The following DEFB134 variants were observed in gnomAD, a reference collection of about 807,000 sequenced individuals.
DEFB134 encodes defensin beta 134, also known as beta-defensin 134.
A neutral mutation model predicts 7.4 loss-of-function variants in DEFB134; 7 were observed. The observed-to-expected ratio is 0.95, with a 90% confidence interval of 0.54 to 1.79. The LOEUF (loss-of-function observed/expected upper bound fraction) is 1.79, where lower values mean the gene tolerates loss of function less well. DEFB134 is among the 40% of genes most tolerant of loss of function. The pLI is 0.00. For synonymous variants in DEFB134, 33 were observed against 25.0 expected, an observed-to-expected ratio of 1.32 and a Z score of -0.96; for missense variants, 105 against 74.8, an observed-to-expected ratio of 1.40 and a Z score of -1.49.
chr8:11,994,384 G>A (rs1223858101), intron 1 of DEFB134, among the ~76,000 whole-genome samples: 3 of 152,146 alleles, frequency 2.0e-5, no homozygotes, highest in African/African-American at 4.8e-5. Flanking sequence ...TCATGATGGT[G>A]GAACCCTAAT....
At chr8:12,000,735 C>G (rs1228839068), upstream of DEFB134, among the ~76,000 whole-genome samples, 5 of 152,100 alleles carry the variant, frequency 3.3e-5, no homozygotes, top group African/African-American at 1.2e-4. Flanking sequence ...TCTTCTTGTG[C>G]TGATGTAAGA....
intron 1 of DEFB134, 73 bp downstream of exon 2, chr8:11,996,121 G>C (rs1007166975): frequency 1.3e-6 from 2 of 1,566,886 alleles, no homozygotes; most frequent in Non-Finnish European, 8.8e-7. Context: ...GGTGGTGTAT[G>C]TTTATTGGGT....
chr8:11,994,828 T>G (rs1259223367), intron 1 of DEFB134, among the ~76,000 whole-genome samples: 1 of 152,120 alleles, frequency 6.6e-6, no homozygotes, highest in Non-Finnish European at 1.5e-5. Context: ...GAATTTTCAT[T>G]CTAGACAAAA....
intron 1 of DEFB134, among the ~76,000 whole-genome samples, chr8:11,995,052 T>C (rs73542310): frequency 6.6e-6 from 1 of 152,084 alleles, no homozygotes; most frequent in African/African-American, 2.4e-5. Flanking sequence ...TTGTCCTACA[T>C]GAACAAGAAG....
chr8:11,997,218 T>G (rs1221046469), upstream of DEFB134, among the ~76,000 whole-genome samples: 3 of 152,248 alleles, frequency 2.0e-5, no homozygotes, highest in Non-Finnish European at 4.4e-5. Flanking sequence ...GCATAATTAT[T>G]TGAGATTCGT....
chr8:12,000,032 C>G (rs1319368955), upstream of DEFB134, among the ~76,000 whole-genome samples: 1 of 152,236 alleles, frequency 6.6e-6, no homozygotes, highest in Non-Finnish European at 1.5e-5. Context: ...TGTTCTGCAA[C>G]TGCCATACTC....
At chr8:11,993,812 C>A in exon 2 of DEFB134, 1 of 864,974 alleles carries the variant, frequency 1.2e-6, no homozygotes, top group Non-Finnish European at 1.7e-6. Flanking sequence ...GGCTACAGCT[C>A]AGCTCTTTAA....
chr8:11,995,030 C>T (rs1800080749), intron 1 of DEFB134, among the ~76,000 whole-genome samples: 1 of 152,038 alleles, frequency 6.6e-6, no homozygotes, highest in South Asian at 2.1e-4. Flanking sequence ...GTCATAATGC[C>T]CTGGAGGATA....
upstream of DEFB134, among the ~76,000 whole-genome samples, chr8:12,000,125 A>G (rs1358440151): frequency 6.6e-6 from 1 of 152,230 alleles, no homozygotes; most frequent in African/African-American, 2.4e-5. Flanking sequence ...ATCCTAATAA[A>G]CAGAAATGTA....
chr8:11,995,204 GA>G (rs1402688271), intron 1 of DEFB134, among the ~76,000 whole-genome samples: 2 of 152,210 alleles, frequency 1.3e-5, no homozygotes, highest in African/African-American at 4.8e-5. Flanking sequence ...AAAAGGAATT[GA>G]AGGGAATATT....
At chr8:11,999,622 A>C (rs201906287), upstream of DEFB134, among the ~76,000 whole-genome samples, 1 of 145,876 alleles carries the variant, frequency 6.9e-6, no homozygotes, top group Admixed American at 6.9e-5. Flanking sequence ...TCGTGATTTT[A>C]CTTAAATATC....
At chr8:11,995,534 A>G (rs1160802464) in intron 1 of DEFB134, among the ~76,000 whole-genome samples, 2 of 152,184 alleles carry the variant, frequency 1.3e-5, no homozygotes, top group Admixed American at 6.5e-5. Flanking sequence ...ACTCTCTGTC[A>G]TGTCTCCCTG....
upstream of DEFB134, among the ~76,000 whole-genome samples, chr8:11,999,651 A>G (rs1325514818): frequency 1.3e-5 from 2 of 152,174 alleles, no homozygotes; most frequent in Non-Finnish European, 2.9e-5. Context: ...ACAGCCTCTG[A>G]GTTTTGCTCT....
At chr8:11,995,244 G>A (rs2150559039) in intron 1 of DEFB134, among the ~76,000 whole-genome samples, 1 of 152,310 alleles carries the variant, frequency 6.6e-6, no homozygotes. Flanking sequence ...TTTGTCTGGA[G>A]GCCACAAATC....
At chr8:12,000,382 A>C (rs1190733388), upstream of DEFB134, among the ~76,000 whole-genome samples, 1 of 152,214 alleles carries the variant, frequency 6.6e-6, no homozygotes, top group South Asian at 2.1e-4. Context: ...CATCAGTGCC[A>C]AAGGTATATT....
At chr8:11,997,490 A>G (rs749128925), upstream of DEFB134, among the ~76,000 whole-genome samples, 1 of 152,224 alleles carries the variant, frequency 6.6e-6, no homozygotes, top group Non-Finnish European at 1.5e-5. Flanking sequence ...CTCACACGCA[A>G]TGACATTCAT....
chr8:11,993,316 C>T (rs1424041764), exon 2 of DEFB134: 1 of 152,234 alleles, frequency 6.6e-6, no homozygotes, highest in African/African-American at 2.4e-5. Context: ...AAGGAACCAA[C>T]ACTAAACCAC....
At chr8:11,994,247 C>G in intron 1 of DEFB134, 125 bp from the exon 3 acceptor site, 1 of 1,215,300 alleles carries the variant, frequency 8.2e-7, no homozygotes, top group African/African-American at 1.5e-5. Context: ...GATCCTGTAA[C>G]TGAAAAAATT....
At chr8:11,999,074 G>A (rs12676145), upstream of DEFB134, 69,243 of 154,786 alleles carry the variant, frequency 0.45, 18,274 homozygotes, top group East Asian at 0.9. Context: ...GCCCAAGGCA[G>A]GAACCTATCA....
Sources: allele counts gnomAD v4.1 joint callset (sites outside exome capture counted in the v4.1 genomes callset), GRCh38; gene constraint gnomAD v4.1.1; transcripts MANE v1.5; gene names NCBI Gene and HGNC (gene_info 2026-07-23, HGNC 2026-07-21).